PCDHGA8: variants seen among roughly 807,000 people sequenced by gnomAD.
PCDHGA8 encodes protocadherin gamma subfamily A, 8.
In PCDHGA8, 45 loss-of-function variants were observed where a neutral mutation model predicts 59.2. The ratio of observed to expected loss-of-function variants is 0.76; its 90% CI spans 0.60 to 0.98. PCDHGA8 has a LOEUF of 0.98. PCDHGA8 is among the 50% of genes least tolerant of loss of function. The probability of loss-of-function intolerance (pLI) is 0.00; values close to 1 mark genes in which losing one functional copy is unlikely to be tolerated. For synonymous variants in PCDHGA8, 531 were observed against 519.0 expected (o/e 1.02, Z -0.32); for missense variants, 1,257 against 1,196.2 (o/e 1.05, Z -0.75).
At chr5:141,464,685 C>A (rs1283627323) in intron 1 of PCDHGA8, among the ~76,000 whole-genome samples, 1 of 152,006 alleles carries the variant, frequency 6.6e-6, no homozygotes, top group Non-Finnish European at 1.5e-5. Flanking sequence ...ATTAAAATTT[C>A]TCTTATTATG....
At chr5:141,397,223 T>C (rs144227558) in intron 1 of PCDHGA8, among the ~76,000 whole-genome samples, 1 of 152,304 alleles carries the variant, frequency 6.6e-6, no homozygotes, top group East Asian at 1.9e-4. Context: ...TATTTTGAGA[T>C]ATGAAGAAGA....
At position 141,491,423 on chromosome 5, in the gene PCDHGA8, G is replaced by C; in HGVS notation, c.2425-3384G>C. On this transcript the variant is annotated intron_variant, in intron 1 of 3. Transcript: ENST00000398604. The surrounding 1 kb of genome is among the most constrained non-coding windows in gnomAD (Gnocchi z 6.9). ...AACGCAGACGGGGACGGGGGTGGAG[G>C]GCAGTGCTGCAGGCGCCAGGACTCA... 1 of 1,614,126 alleles carries C rather than the reference G, an allele frequency of 6.2e-7. No individual in the cohort carries two copies. Among genetic ancestry groups the C allele is most frequent in the South Asian group, 1.1e-5 (1 of 91,090 alleles).
At chr5:141,469,804 T>C (rs1433459377) in intron 1 of PCDHGA8, among the ~76,000 whole-genome samples, 1 of 152,060 alleles carries the variant, frequency 6.6e-6, no homozygotes, top group Non-Finnish European at 1.5e-5. Context: ...TGCAAAAACA[T>C]TGTAGATAGA....
intron 1 of PCDHGA8, among the ~76,000 whole-genome samples, chr5:141,446,727 A>G (rs546345866): frequency 6.6e-6 from 1 of 152,258 alleles, no homozygotes; most frequent in African/African-American, 2.4e-5. Context: ...TCGGCCTCCC[A>G]AAGTGTGGGG....
chr5:141,437,307 G>A (rs1172152732), intron 1 of PCDHGA8, among the ~76,000 whole-genome samples: 7 of 152,120 alleles, frequency 4.6e-5, no homozygotes, highest in South Asian at 2.1e-4. Context: ...AAGTTAAAGC[G>A]TTCAGCTATA....
At chr5:141,505,576 T>C in intron 3 of PCDHGA8, 95 bp downstream of exon 3, 5 of 1,590,334 alleles carry the variant, frequency 3.1e-6, no homozygotes, top group Admixed American at 1.7e-5. Context: ...ATGTCAAACC[T>C]GTGTAGTTTC....
intron 3 of PCDHGA8, among the ~76,000 whole-genome samples, chr5:141,507,817 G>C (rs1038461861): frequency 3.3e-5 from 5 of 152,206 alleles, no homozygotes; most frequent in Non-Finnish European, 5.9e-5. Context: ...AACGGACCCT[G>C]GGGGTGGAGG....
In PCDHGA8 at chr5:141,450,032, G is replaced by A. The variant is rs146567243; in HGVS notation, c.2425-44775G>A. Among the ~76,000 whole-genome samples the A allele has an allele frequency of 4.6e-3, 607 of 131,666 alleles. 4 individuals are homozygous for A. The highest frequency in any genetic ancestry group is 0.017 in the African/African-American group (550 of 33,158). The allele number at this position is 131,666 out of a possible 152,430, so 86.4% of individuals were successfully genotyped here. A position where few individuals can be genotyped will look rare whatever the true frequency, so the allele number is the denominator to read the frequency against. On this transcript the variant is annotated intron_variant, in intron 1 of 3. Transcript: ENST00000398604. ...TTTTTTTTTTTTTTTTTTGAGACAG[G>A]GTCTCACTCTTTCGCCCAGGCTGGA... is the stretch of plus-strand genomic sequence containing the variant.
chr5:141,404,407 T>C, intron 1 of PCDHGA8: 1 of 1,613,944 alleles, frequency 6.2e-7, no homozygotes, highest in East Asian at 2.2e-5. Flanking sequence ...ATGAGAATTC[T>C]AGAGTTATTT....
chr5:141,452,587 A>G (rs1171400700), intron 1 of PCDHGA8, among the ~76,000 whole-genome samples: 1 of 151,948 alleles, frequency 6.6e-6, no homozygotes, highest in Non-Finnish European at 1.5e-5. Context: ...CCATCTTTGT[A>G]TTTTTATTTT....
rs570379716 is a variant in PCDHGA8 at position 141,452,090 on chromosome 5, G to A, written c.2425-42717G>A. Among the ~76,000 whole-genome samples, 3 of 152,256 alleles carry A rather than the reference G, an allele frequency of 2.0e-5. No individual in the cohort carries two copies. The South Asian group carries it at 6.2e-4, about 32-fold the overall frequency. On this transcript the variant is annotated intron_variant, in intron 1 of 3. Coordinates refer to ENST00000398604, the MANE Select transcript of PCDHGA8 (RefSeq NM_032088.2). The stretch of plus-strand genomic sequence containing the variant: ...TTTATTAGTTGGCATTATACAGTAA[G>A]AAAGAGCTTTCTTTTCTCTTCTTAT...
In PCDHGA8 at chr5:141,511,216, C is replaced by A. The variant is rs374915167; in HGVS notation, c.*43C>A. On this transcript the variant is annotated 3_prime_UTR_variant, in exon 4 of 4. Coordinates refer to ENST00000398604, the MANE Select transcript of PCDHGA8 (RefSeq NM_032088.2). Reference sequence around the variant, plus strand: ...GAGCCACAGGGCGGCCTCTCCCCAACCAGCCCAGCTTCTCCTTACCTGCAC... The same window carrying A: ...GAGCCACAGGGCGGCCTCTCCCCAAACAGCCCAGCTTCTCCTTACCTGCAC... The A allele has an allele frequency of 6.2e-7, 1 of 1,608,004 alleles. No homozygotes were observed. The highest frequency in any genetic ancestry group is 1.3e-5 in the African/African-American group (1 of 74,736).
chr5:141,393,931 A>G lies in PCDHGA8; in HGVS notation c.1118A>G (p.Asp373Gly), dbSNP rs2092877378. Residue 373 changes from aspartate (D) to glycine (G), a missense_variant, in exon 1 of 4, where the codon GAC (aspartate) becomes GGC (glycine). Asp to Gly is a moderately conservative substitution (Grantham distance 94, BLOSUM62 -1). Coordinates refer to ENST00000398604, the MANE Select transcript of PCDHGA8 (RefSeq NM_032088.2). The part of the protein sequence containing the change: ...GTVIAFLSVH[D>G]QDSGKNGQVV... ...GTAATTGCCTTCTTGAGTGTGCATGACCAAGACTCTGGAAAGAATGGTCAA... is the reference window on the plus strand; with the variant it reads ...GTAATTGCCTTCTTGAGTGTGCATGGCCAAGACTCTGGAAAGAATGGTCAA... 3.7e-6 allele frequency: 6 copies of G among 1,614,002 alleles called. No homozygotes were observed. The highest frequency in any genetic ancestry group is 1.6e-4 in the Middle Eastern group (1 of 6,062).
intron 1 of PCDHGA8, among the ~76,000 whole-genome samples, chr5:141,466,921 AG>A (rs2099132133): frequency 6.6e-6 from 1 of 152,204 alleles, no homozygotes; most frequent in African/African-American, 2.4e-5. Context: ...TCCTTGTATT[AG>A]GAATATTAGT....
intron 1 of PCDHGA8, among the ~76,000 whole-genome samples, chr5:141,475,556 T>A (rs1420756007): frequency 6.6e-6 from 1 of 152,248 alleles, no homozygotes; most frequent in Non-Finnish European, 1.5e-5. Context: ...CGGCTAATTG[T>A]CTGTCTTCCA....
Position 141,432,465 on chromosome 5 carries a change from C to T in PCDHGA8, c.2424+37228C>T. 3 of 1,614,222 alleles carry T rather than the reference C, an allele frequency of 1.9e-6. No individual in the cohort carries two copies. The highest frequency in any genetic ancestry group is 2.5e-6 in the Non-Finnish European group (3 of 1,180,050). On this transcript the variant is annotated intron_variant, in intron 1 of 3. Transcript: ENST00000398604. This position sits in a 1 kb window ranked among gnomAD's most constrained non-coding sequence, Gnocchi z 6.0. The stretch of plus-strand genomic sequence containing the variant: ...GAGATCCTGTACCCCGCCCTCCCCA[C>T]GGACGGTTCCACTGGCGTGGAGCTG...
intron 1 of PCDHGA8, chr5:141,395,555 TGTGTG>T: frequency 9.9e-6 from 1 of 101,256 alleles, no homozygotes; most frequent in Non-Finnish European, 1.7e-5. Context: ...TGTGTGTGTG[TGTGTG>T]TGTGTGTGTG....
intron 1 of PCDHGA8, chr5:141,418,608 G>A (rs1265400499): frequency 6.2e-7 from 1 of 1,614,040 alleles, no homozygotes; most frequent in Admixed American, 1.7e-5. Flanking sequence ...TACAGGGTTA[G>A]CCTTCGGGAA....
chr5:141,469,511 G>A (rs2099203340), intron 1 of PCDHGA8, among the ~76,000 whole-genome samples: 1 of 152,038 alleles, frequency 6.6e-6, no homozygotes, highest in African/African-American at 2.4e-5. Flanking sequence ...GGAGGTGGAG[G>A]TTGCAGTGAG....
Sources: allele counts gnomAD v4.1 joint callset (sites outside exome capture counted in the v4.1 genomes callset), GRCh38; gene constraint gnomAD v4.1.1; non-coding constraint Gnocchi (gnomAD v3.1); transcripts MANE v1.5; gene names NCBI Gene and HGNC (gene_info 2026-07-23, HGNC 2026-07-21).